MRO: variants seen among roughly 807,000 people sequenced by gnomAD.
The protein encoded by MRO is maestro.
MRO carries 28 observed loss-of-function variants against 31.0 expected under a neutral mutation model. The ratio of observed to expected loss-of-function variants is 0.90; its 90% CI spans 0.67 to 1.24. The LOEUF (loss-of-function observed/expected upper bound fraction) is 1.24. MRO is among the 50% of genes most tolerant of loss of function. MRO has a pLI of 0.00. For missense variants in MRO, 332 were observed against 289.2 expected, an observed-to-expected ratio of 1.15 and a Z score of -1.07; for synonymous variants, 108 against 108.4, an observed-to-expected ratio of 1.00 and a Z score of 0.02.
At chr18:50,816,513 AAC>A (rs1429476742) in intron 2 of MRO, among the ~76,000 whole-genome samples, 1 of 152,190 alleles carries the variant, frequency 6.6e-6, no homozygotes, top group Non-Finnish European at 1.5e-5. Flanking sequence ...CTTGTGGGTT[AAC>A]AAATAAAGAA....
Position 50,799,361 on chromosome 18 carries a change from G to C in MRO, c.723C>G (p.Phe241Leu), listed in dbSNP as rs1237048862. The C allele has an allele frequency of 6.2e-7, 1 of 1,613,910 alleles. No homozygotes were observed. The highest frequency in any genetic ancestry group is 1.3e-5 in the African/African-American group (1 of 74,906). The change falls in exon 8 of 8, where the codon TTC (phenylalanine) becomes TTG (leucine). Residue 241 changes from phenylalanine to leucine, a missense_variant. By Grantham distance (22) the Phe-to-Leu change is conservative. Coordinates refer to ENST00000398439, the MANE Select transcript of MRO (RefSeq NM_031939.6). ...CTTACAGAATTTTATTTGCGTAGAA[G>C]AACTGCAGGATCTCTGGATGATAGT... ...LSHYHPEILQ[F>L]FYANKIL
At chr18:50,805,880 G>A (rs1913867806) in intron 4 of MRO, among the ~76,000 whole-genome samples, 1 of 152,030 alleles carries the variant, frequency 6.6e-6, no homozygotes, top group African/African-American at 2.4e-5. Context: ...CACCCTGAAT[G>A]AGTCTCCTCC....
chr18:50,815,481 G>A (rs957474624), intron 2 of MRO: 30 of 291,026 alleles, frequency 1.0e-4, no homozygotes, highest in Admixed American at 2.6e-4. Context: ...AGAGGGGGCC[G>A]TGGTGGTGGT....
rs140999867 is a variant in MRO at position 50,802,572 on chromosome 18, G to C, written c.430-1068C>G. Among the ~76,000 whole-genome samples, 548 of 152,232 alleles carry C rather than the reference G, an allele frequency of 3.6e-3. 3 individuals carry two copies. Among genetic ancestry groups the C allele is most frequent in the African/African-American group, 0.013 (521 of 41,514 alleles). Reference sequence around the variant, plus strand: ...AAACCAGAGGGAGGAGGGCTGGGGTGGGCCTTCACAGCGGGGAAGAAGCAC... The same window carrying C: ...AAACCAGAGGGAGGAGGGCTGGGGTCGGCCTTCACAGCGGGGAAGAAGCAC... On this transcript the variant is annotated intron_variant, in intron 5 of 7. Transcript: ENST00000398439.
chr18:50,808,725 G>C (rs2849234), intron 3 of MRO, among the ~76,000 whole-genome samples: 28,619 of 151,366 alleles, frequency 0.19, 3,544 homozygotes, highest in Non-Finnish European at 0.28. Flanking sequence ...AAAGTGCTGG[G>C]ATTACAGAGG....
At chr18:50,823,807 T>C (rs1478792355), upstream of MRO, 2 of 204,614 alleles carry the variant, frequency 9.8e-6, no homozygotes, top group Non-Finnish European at 2.1e-5. Flanking sequence ...ACAATGGGGC[T>C]GGACACAGGA....
At chr18:50,803,697 G>A (rs1345053539) in intron 5 of MRO, among the ~76,000 whole-genome samples, 1 of 152,160 alleles carries the variant, frequency 6.6e-6, no homozygotes, top group African/African-American at 2.4e-5. Flanking sequence ...TGTGTCTCTG[G>A]AGCAGGTGAG....
chr18:50,813,770 A>G (rs1386722823), intron 2 of MRO, among the ~76,000 whole-genome samples: 1 of 152,214 alleles, frequency 6.6e-6, no homozygotes, highest in Admixed American at 6.5e-5. Flanking sequence ...GTTCTCACTT[A>G]TAAGTGGGAG....
rs12955224 is a variant in MRO, at chr18:50,810,008, C to T, written c.-4-604G>A. On this transcript the variant is annotated intron_variant, in intron 2 of 7. Transcript: ENST00000398439. ...TGAGACAGGGTTTTGCTCTGTCTCC[C>T]AGGCTGGAGTGCAGTGGCAGGAACA... Among the ~76,000 whole-genome samples, 27 of 152,304 alleles carry T rather than the reference C, an allele frequency of 1.8e-4. No homozygotes were observed. In the South Asian group the frequency reaches 5.4e-3, roughly 30 times the overall value.
intron 1 of MRO, among the ~76,000 whole-genome samples, chr18:50,825,041 TCCAGCCTGGG>T (rs1183777768): frequency 6.9e-6 from 1 of 144,438 alleles, no homozygotes; most frequent in Non-Finnish European, 1.5e-5. Context: ...TGCACTCCAC[TCCAGCCTGGG>T]CCACAAGAGC....
intron 2 of MRO, among the ~76,000 whole-genome samples, chr18:50,810,602 A>G (rs1914395617): frequency 6.6e-6 from 1 of 152,230 alleles, no homozygotes; most frequent in Non-Finnish European, 1.5e-5. Context: ...TAATTTTACC[A>G]TGCGCATGTA....
At chr18:50,805,845 G>A (rs1449316509) in intron 4 of MRO, among the ~76,000 whole-genome samples, 1 of 152,148 alleles carries the variant, frequency 6.6e-6, no homozygotes, top group Non-Finnish European at 1.5e-5. Flanking sequence ...GGTGTCATGA[G>A]CCTAAGATGA....
At chr18:50,803,730 T>A (rs1230095131) in intron 5 of MRO, among the ~76,000 whole-genome samples, 1 of 152,232 alleles carries the variant, frequency 6.6e-6, no homozygotes, top group African/African-American at 2.4e-5. Context: ...AGCTCCCATA[T>A]GAGCTCCAAG....
At chr18:50,805,745 GA>G (rs112212060) in intron 4 of MRO, among the ~76,000 whole-genome samples, 12 of 151,064 alleles carry the variant, frequency 7.9e-5, no homozygotes, top group East Asian at 1.9e-4. Flanking sequence ...TAAATTACTA[GA>G]AAAAAAAATC....
chr18:50,821,250 T>G (rs1599049828), upstream of MRO, among the ~76,000 whole-genome samples: 1 of 151,414 alleles, frequency 6.6e-6, no homozygotes, highest in African/African-American at 2.4e-5. Flanking sequence ...TAGGAAGAGG[T>G]GGAGGGGGCA....
chr18:50,808,405 C>A (rs990631947), intron 3 of MRO, among the ~76,000 whole-genome samples: 10 of 151,636 alleles, frequency 6.6e-5, no homozygotes, highest in African/African-American at 2.4e-4. Context: ...GATTTCAAAG[C>A]TTCATTAGTA....
At chr18:50,807,235 C>T (rs1419698319) in intron 3 of MRO, among the ~76,000 whole-genome samples, 1 of 152,008 alleles carries the variant, frequency 6.6e-6, no homozygotes, top group African/African-American at 2.4e-5. Flanking sequence ...CTCCCTTTAC[C>T]CCTTCTTCTC....
intron 2 of MRO, among the ~76,000 whole-genome samples, chr18:50,810,121 C>T (rs530086335): frequency 1.6e-4 from 25 of 152,224 alleles, no homozygotes; most frequent in Middle Eastern, 3.4e-3. Flanking sequence ...CATGCCACCA[C>T]GCCCAATTAA....
At chr18:50,809,737 G>A (rs1914306493) in intron 2 of MRO, among the ~76,000 whole-genome samples, 3 of 152,170 alleles carry the variant, frequency 2.0e-5, no homozygotes, top group South Asian at 2.1e-4. Flanking sequence ...GAAATACAGA[G>A]TAGCCTCAAA....
Sources: gnomAD v4.1 joint callset for allele counts (sites outside exome capture counted in the v4.1 genomes callset) on GRCh38, gnomAD v4.1.1 for gene constraint, MANE v1.5 for transcripts, NCBI Gene and HGNC (gene_info 2026-07-23, HGNC 2026-07-21) for gene names.